DEPDC4: variants seen among roughly 807,000 people sequenced by gnomAD.
The protein encoded by DEPDC4 is DEP domain containing 4.
A neutral mutation model predicts 52.0 loss-of-function variants in DEPDC4; 52 were observed. That is an observed-to-expected ratio of 1.00 (90% CI 0.80 to 1.26). The LOEUF (loss-of-function observed/expected upper bound fraction) is 1.26. Among genes scored for constraint, DEPDC4 ranks in the 50% most tolerant of loss-of-function variants. DEPDC4 has a pLI of 0.00. For missense variants in DEPDC4, 530 were observed against 546.9 expected (o/e 0.97, Z 0.31); for synonymous variants, 201 against 196.8 (o/e 1.02, Z -0.18).
At chr12:100,254,914 C>A (rs569368989) in intron 4 of DEPDC4, among the ~76,000 whole-genome samples, 19 of 152,198 alleles carry the variant, frequency 1.2e-4, no homozygotes, top group African/African-American at 4.6e-4. Context: ...TTCAGAGAGA[C>A]AGGGTCTCAC....
intron 7 of DEPDC4, among the ~76,000 whole-genome samples, chr12:100,251,364 A>G (rs1341088463): frequency 6.6e-6 from 1 of 152,144 alleles, no homozygotes; most frequent in Admixed American, 6.5e-5. Flanking sequence ...AAAAAAAACT[A>G]TTTCAAAAAC....
downstream of DEPDC4, among the ~76,000 whole-genome samples, chr12:100,239,056 C>T (rs762692978): frequency 1.3e-4 from 20 of 152,100 alleles, no homozygotes; most frequent in Non-Finnish European, 2.6e-4. Context: ...AACCTTTTCA[C>T]AGACTCTTAG....
chr12:100,251,339 A>G (rs1383052798), intron 7 of DEPDC4, among the ~76,000 whole-genome samples: 4 of 152,188 alleles, frequency 2.6e-5, no homozygotes, highest in African/African-American at 2.4e-5. Context: ...GTACTAAAAT[A>G]TAATAGTGAG....
the DEPDC4 span, among the ~76,000 whole-genome samples, chr12:100,276,951 T>C: frequency 6.6e-6 from 1 of 152,118 alleles, no homozygotes; most frequent in Non-Finnish European, 1.5e-5. Flanking sequence ...TCATTTTCAT[T>C]CTCTTCAAAA....
At chr12:100,253,374 G>T in intron 5 of DEPDC4, 115 bp downstream of exon 5, 1 of 385,046 alleles carries the variant, frequency 2.6e-6, no homozygotes, top group Non-Finnish European at 4.7e-6. Flanking sequence ...TGACATCATA[G>T]AAGAAAAATA....
At chr12:100,260,748 T>C (rs990377947) in intron 3 of DEPDC4, among the ~76,000 whole-genome samples, 13 of 150,740 alleles carry the variant, frequency 8.6e-5, no homozygotes, top group African/African-American at 2.7e-4. Context: ...AATAAAAAAT[T>C]AGCCAGGCAT....
intron 1 of DEPDC4, among the ~76,000 whole-genome samples, chr12:100,264,454 A>T (rs1006560069): frequency 6.6e-6 from 1 of 152,064 alleles, no homozygotes; most frequent in African/African-American, 2.4e-5. Flanking sequence ...CGAGGCAGGC[A>T]GATCACCTGA....
intron 8 of DEPDC4, among the ~76,000 whole-genome samples, chr12:100,246,946 G>GAAAAGCA (rs1193815722): frequency 6.6e-6 from 1 of 151,446 alleles, no homozygotes; most frequent in Admixed American, 6.6e-5. Context: ...CAAAAAAAAA[G>GAAAAGCA]AAAAGCAAAG....
chr12:100,260,724 A>AAAAT (rs1448630712), intron 3 of DEPDC4, among the ~76,000 whole-genome samples: 6 of 150,434 alleles, frequency 4.0e-5, no homozygotes, highest in Non-Finnish European at 7.4e-5. Context: ...AATAATACAA[A>AAAAT]AAATAAATAA....
upstream of DEPDC4, chr12:100,267,784 T>C (rs1566335675): frequency 6.6e-6 from 1 of 152,042 alleles, no homozygotes; most frequent in Non-Finnish European, 1.5e-5. Flanking sequence ...GACACTACTC[T>C]AGGACCGGGT....
chr12:100,254,754 G>A (rs2096225249), intron 4 of DEPDC4, among the ~76,000 whole-genome samples: 1 of 151,116 alleles, frequency 6.6e-6, no homozygotes, highest in Non-Finnish European at 1.5e-5. Context: ...AGAGGGTCTT[G>A]CTATGTCACC....
intron 9 of DEPDC4, among the ~76,000 whole-genome samples, chr12:100,233,895 T>G (rs1026383988): frequency 6.6e-6 from 1 of 152,186 alleles, no homozygotes; most frequent in Non-Finnish European, 1.5e-5. Context: ...AAATTTTTTT[T>G]GGAGTTAGAA....
intron 2 of DEPDC4, 142 bp downstream of exon 2, chr12:100,263,355 A>C: frequency 1.6e-5 from 10 of 624,818 alleles, no homozygotes; most frequent in East Asian, 5.9e-5. Flanking sequence ...TTTTAGAGGA[A>C]ATGCATAAGT....
intron 7 of DEPDC4, 139 bp downstream of exon 7, chr12:100,252,037 G>C (rs2096210296): frequency 4.1e-6 from 3 of 727,740 alleles, no homozygotes; most frequent in Non-Finnish European, 5.2e-6. Flanking sequence ...TCTCTTTTGT[G>C]GGTGTGGGGA....
At chr12:100,273,471 C>T in the DEPDC4 span, among the ~76,000 whole-genome samples, 1 of 152,012 alleles carries the variant, frequency 6.6e-6, no homozygotes, top group Non-Finnish European at 1.5e-5. Context: ...TTTTCATTTA[C>T]TTCCTTCCCA....
the DEPDC4 span, among the ~76,000 whole-genome samples, chr12:100,276,117 A>G: frequency 6.6e-6 from 1 of 152,154 alleles, no homozygotes; most frequent in Non-Finnish European, 1.5e-5. Flanking sequence ...CCATTGCATT[A>G]TTTGGTTTGA....
chr12:100,244,110 TATATATATATATATATATATATATAC>T (rs2096173761), intron 8 of DEPDC4, among the ~76,000 whole-genome samples: 1 of 109,500 alleles, frequency 9.1e-6, no homozygotes, highest in South Asian at 2.8e-4. Flanking sequence ...TATATATATA[TATATATATATATATATATATATATAC>T]ACAAAATACA....
Position 100,252,465 on chromosome 12 carries a change from C to T in DEPDC4, c.1177G>A (p.Glu393Lys), listed in dbSNP as rs751918411. 55 of 1,607,296 alleles carry T rather than the reference C, an allele frequency of 3.4e-5. No individual in the cohort carries two copies. Among genetic ancestry groups the T allele is most frequent in the Non-Finnish European group, 4.4e-5 (52 of 1,179,792 alleles). The change falls in exon 6 of 10, where the codon GAA (glutamate) becomes AAA (lysine). Residue 393 changes from glutamate (E) to lysine (K), a missense_variant. Transcript: ENST00000550587. ...AAAGTAAGTAGCCGTCGTAATTCTTCTCTAATGTTCAGCAACAGCAATCTT... is the reference window on the plus strand; with the variant it reads ...AAAGTAAGTAGCCGTCGTAATTCTTTTCTAATGTTCAGCAACAGCAATCTT... ...YLRLLLLNIREELRRLLTFMA... is the reference protein window; with the variant it reads ...YLRLLLLNIRKELRRLLTFMA...
chr12:100,244,093 G>GTATATA (rs775573664), intron 8 of DEPDC4, among the ~76,000 whole-genome samples: 1,199 of 89,224 alleles, frequency 0.013, 150 homozygotes, highest in South Asian at 0.034. Flanking sequence ...CTCTCTCTCT[G>GTATATA]TGTATATATA....
Sources: gnomAD v4.1 joint callset for allele counts (sites outside exome capture counted in the v4.1 genomes callset) on GRCh38, gnomAD v4.1.1 for gene constraint, MANE v1.5 for transcripts, NCBI Gene and HGNC (gene_info 2026-07-23, HGNC 2026-07-21) for gene names.